Variants in ROBO2 observed in about 807,000 individuals in gnomAD.
ROBO2 encodes roundabout guidance receptor 2, also known as roundabout homolog 2.
ROBO2 carries 53 observed loss-of-function variants against 160.8 expected under a neutral mutation model. That is an observed-to-expected ratio of 0.33 (90% confidence interval 0.26 to 0.41). The LOEUF (loss-of-function observed/expected upper bound fraction) is 0.41, where lower values mean the gene tolerates loss of function less well. Ranked by LOEUF, ROBO2 falls within the 10% of genes least tolerant of loss-of-function variation. The probability of loss-of-function intolerance (pLI) is 1.00; values close to 1 mark genes in which losing one functional copy is unlikely to be tolerated. For synonymous variants in ROBO2, 664 were observed against 611.7 expected (o/e 1.09, Z -1.26); for missense variants, 1,577 against 1,722.4 (o/e 0.92, Z 1.49).
At chr3:76,798,304 G>GAAAGAA in intron 2 of ROBO2, among the ~76,000 whole-genome samples, 1 of 149,910 alleles carries the variant, frequency 6.7e-6, no homozygotes, top group Non-Finnish European at 1.5e-5. Flanking sequence ...AAGAAAGAAA[G>GAAAGAA]AAAGAAAGAA....
chr3:76,405,398 T>C (rs1412560606), intron 2 of ROBO2, among the ~76,000 whole-genome samples: 1 of 151,658 alleles, frequency 6.6e-6, no homozygotes, highest in Non-Finnish European at 1.5e-5. Context: ...TAGATACATA[T>C]GATTTTGGAA....
intron 2 of ROBO2, among the ~76,000 whole-genome samples, chr3:76,840,004 G>T (rs983163757): frequency 6.6e-6 from 1 of 152,110 alleles, no homozygotes; most frequent in South Asian, 2.1e-4. Flanking sequence ...TGCTGTGTTG[G>T]TTATAAAGTC....
At chr3:76,248,582 GTATACA>G (rs1383181342) in intron 2 of ROBO2, among the ~76,000 whole-genome samples, 1 of 150,560 alleles carries the variant, frequency 6.6e-6, no homozygotes, top group Non-Finnish European at 1.5e-5. Flanking sequence ...CATGGCACAT[GTATACA>G]TATGTAACTA....
intron 2 of ROBO2, among the ~76,000 whole-genome samples, chr3:76,240,619 G>A (rs1705228515): frequency 6.6e-6 from 1 of 152,112 alleles, no homozygotes; most frequent in Non-Finnish European, 1.5e-5. Context: ...GATGCTCTTT[G>A]ATTTTGTGTA....
At chr3:77,011,054 C>CTTCTTTCTTTCTTTCTTTCTTCTTTCT (rs2061872486) in intron 2 of ROBO2, among the ~76,000 whole-genome samples, 1 of 106,746 alleles carries the variant, frequency 9.4e-6, no homozygotes, top group Non-Finnish European at 1.9e-5. Flanking sequence ...TTCTTTCTTT[C>CTTCTTTCTTTCTTTCTTTCTTCTTTCT]TTCTTTCTTT....
intron 2 of ROBO2, among the ~76,000 whole-genome samples, chr3:76,840,121 C>T (rs962727156): frequency 5.9e-5 from 9 of 151,544 alleles, no homozygotes; most frequent in Non-Finnish European, 1.0e-4. Flanking sequence ...TTTTGTTTAT[C>T]TTTTCAAAAC....
chr3:77,233,807 AAAATAATACTT>A (rs2087558065), intron 2 of ROBO2, among the ~76,000 whole-genome samples: 1 of 152,206 alleles, frequency 6.6e-6, no homozygotes, highest in African/African-American at 2.4e-5. Flanking sequence ...TTCGCTCAAG[AAAATAATACTT>A]AAATGAAATG....
chr3:76,825,660 A>G (rs906809604), intron 2 of ROBO2, among the ~76,000 whole-genome samples: 45 of 145,418 alleles, frequency 3.1e-4, no homozygotes, highest in African/African-American at 1.1e-3. Context: ...CCCTATTTTC[A>G]CAAAAGGCAG....
intron 2 of ROBO2, among the ~76,000 whole-genome samples, chr3:77,009,612 T>A (rs2061759346): frequency 1.3e-5 from 2 of 152,260 alleles, no homozygotes; most frequent in South Asian, 2.1e-4. Context: ...AAAACCATTA[T>A]AAGAAAGAAT....
rs199963758 is a variant in ROBO2 at position 77,431,633 on chromosome 3, C to T, written c.389-45781C>T. ...ACTTTCGTCCTGTGTTCCCAGCATCCAGCTCAATGTTTGGCTTATACTATT... is the reference window on the plus strand; with the variant it reads ...ACTTTCGTCCTGTGTTCCCAGCATCTAGCTCAATGTTTGGCTTATACTATT... On this transcript the variant is annotated intron_variant, in intron 2 of 25. Coordinates refer to ENST00000461745, the Ensembl canonical transcript of ROBO2. 9.0e-4 allele frequency among the ~76,000 whole-genome samples: 137 copies of T among 152,204 alleles called. 4 individuals carry two copies. The East Asian group carries it at 0.025, about 28-fold the overall frequency.
chr3:76,033,592 A>T (rs903868705), intron 2 of ROBO2, among the ~76,000 whole-genome samples: 1 of 152,228 alleles, frequency 6.6e-6, no homozygotes, highest in Non-Finnish European at 1.5e-5. Flanking sequence ...TGTTATTTAT[A>T]TGTTGCTATG....
intron 2 of ROBO2, among the ~76,000 whole-genome samples, chr3:76,993,517 G>C (rs2060809672): frequency 6.6e-6 from 1 of 152,010 alleles, no homozygotes. Context: ...GTAAAGATTG[G>C]TTTGGTTAAT....
At chr3:76,479,977 A>G (rs6772812) in intron 2 of ROBO2, among the ~76,000 whole-genome samples, 63,830 of 151,920 alleles carry the variant, frequency 0.42, 13,754 homozygotes, top group East Asian at 0.58. Flanking sequence ...TATTTACTGG[A>G]CAGAGCCAAA....
intron 2 of ROBO2, among the ~76,000 whole-genome samples, chr3:76,000,849 A>T (rs1189175857): frequency 6.6e-6 from 1 of 152,120 alleles, no homozygotes; most frequent in Non-Finnish European, 1.5e-5. Context: ...ATATCATTTT[A>T]TATCCCTCAG....
chr3:77,646,061 G>A, exon 26 of ROBO2: 1 of 1,593,178 alleles, frequency 6.3e-7, no homozygotes, highest in Non-Finnish European at 8.6e-7. Context: ...TAGAGTAAAT[G>A]AGAGGAGACA....
At chr3:77,293,215 G>C (rs2061537452) in intron 2 of ROBO2, among the ~76,000 whole-genome samples, 1 of 151,214 alleles carries the variant, frequency 6.6e-6, no homozygotes, top group African/African-American at 2.4e-5. Context: ...AAACGGGTAA[G>C]CTGAGGCTAG....
chr3:77,087,725 CATATA>C (rs1159215882), intron 1 of ROBO2, among the ~76,000 whole-genome samples: 2 of 150,346 alleles, frequency 1.3e-5, no homozygotes, highest in Non-Finnish European at 3.0e-5. Flanking sequence ...TACATGTACA[CATATA>C]TACATATATG....
chr3:76,259,435 A>T (rs1706602333), intron 2 of ROBO2, among the ~76,000 whole-genome samples: 4 of 152,142 alleles, frequency 2.6e-5, no homozygotes, highest in African/African-American at 9.7e-5. Flanking sequence ...ACAAATGTTT[A>T]TTCAAATCCA....
intron 2 of ROBO2, among the ~76,000 whole-genome samples, chr3:76,277,590 A>G (rs927562678): frequency 3.9e-5 from 6 of 152,054 alleles, no homozygotes; most frequent in Admixed American, 2.6e-4. Flanking sequence ...AAAATATTAG[A>G]GGGACTACAA....
Sources: allele counts gnomAD v4.1 joint callset (sites outside exome capture counted in the v4.1 genomes callset), GRCh38; gene constraint gnomAD v4.1.1; transcripts MANE v1.5; gene names NCBI Gene and HGNC (gene_info 2026-07-23, HGNC 2026-07-21).